Variants in TDRP observed in about 807,000 individuals in gnomAD.
TDRP encodes testis development-related protein.
Under a neutral mutation model 10.5 loss-of-function variants are expected in TDRP, and 12 were observed. The observed-to-expected ratio is 1.15, with a 90% CI of 0.73 to 1.86. The LOEUF (loss-of-function observed/expected upper bound fraction) is 1.86. TDRP is among the 40% of genes most tolerant of loss of function. The pLI is 0.00. For missense variants in TDRP, 353 were observed against 229.2 expected, an observed-to-expected ratio of 1.54 and a Z score of -3.49; for synonymous variants, 139 against 95.4, an observed-to-expected ratio of 1.46 and a Z score of -2.67.
intron 1 of TDRP, among the ~76,000 whole-genome samples, chr8:524,721 T>C (rs1441946865): frequency 1.3e-5 from 2 of 152,074 alleles, no homozygotes; most frequent in African/African-American, 2.4e-5. Flanking sequence ...AAGAAAGAAT[T>C]AGTGATCTTG....
At position 492,450 on chromosome 8, in the gene TDRP, G is replaced by A; in HGVS notation, c.507C>T (p.Ile169=). ...SLRAAGRLVS[I]RRQSKGHLTD... is the part of the protein sequence containing the mutation. ...TCAGGTGGCCTTTACTCTGCCGTCG[G>A]ATGCTCACCAGCCTCCCTGCCGCGC... Residue 169 remains isoleucine (I), a synonymous_variant, in exon 3 of 3, where the codon ATC becomes ATT. Transcript: ENST00000324079. The A allele has an allele frequency of 2.5e-6, 4 of 1,596,530 alleles. No individual in the cohort carries two copies. The highest frequency in any genetic ancestry group is 3.4e-6 in the Non-Finnish European group (4 of 1,167,662).
intron 1 of TDRP, among the ~76,000 whole-genome samples, chr8:528,822 T>C (rs1313294001): frequency 6.6e-6 from 1 of 150,888 alleles, no homozygotes; most frequent in African/African-American, 2.4e-5. Context: ...TGTGTGTATA[T>C]GTGTGTATAT....
chr8:505,158 C>A (rs995513756), intron 1 of TDRP, among the ~76,000 whole-genome samples: 1 of 152,196 alleles, frequency 6.6e-6, no homozygotes, highest in Non-Finnish European at 1.5e-5. Context: ...ATTCTCAACA[C>A]TGCCTACCTG....
chr8:515,289 T>A (rs546351258), intron 1 of TDRP, among the ~76,000 whole-genome samples: 2 of 152,288 alleles, frequency 1.3e-5, no homozygotes, highest in South Asian at 4.1e-4. Context: ...CAGAAAAAAA[T>A]GTAAAATTAG....
intron 1 of TDRP, among the ~76,000 whole-genome samples, chr8:506,597 G>A (rs1204876271): frequency 6.6e-6 from 1 of 152,198 alleles, no homozygotes; most frequent in Non-Finnish European, 1.5e-5. Context: ...GGGCTCGAGA[G>A]GTGACGGTTC....
At chr8:512,714 C>T (rs1036013326) in intron 1 of TDRP, among the ~76,000 whole-genome samples, 2 of 152,124 alleles carry the variant, frequency 1.3e-5, no homozygotes, top group Admixed American at 6.5e-5. Flanking sequence ...TGGTCTCATG[C>T]CTGTAATCTC....
chr8:525,888 T>A (rs996140447), intron 1 of TDRP, among the ~76,000 whole-genome samples: 1 of 152,280 alleles, frequency 6.6e-6, no homozygotes, highest in African/African-American at 2.4e-5. Flanking sequence ...TATTAGTATT[T>A]CTTTAAATGT....
chr8:518,084 C>A (rs752508546), intron 1 of TDRP, among the ~76,000 whole-genome samples: 3 of 152,162 alleles, frequency 2.0e-5, no homozygotes, highest in Non-Finnish European at 4.4e-5. Flanking sequence ...ACAGACAACA[C>A]CCAGCGTAAA....
intron 1 of TDRP, among the ~76,000 whole-genome samples, chr8:499,745 G>A (rs1051184591): frequency 6.6e-6 from 1 of 152,204 alleles, no homozygotes; most frequent in South Asian, 2.1e-4. Flanking sequence ...TTCCCTCTGA[G>A]CATCCCCCGG....
At chr8:540,498 A>T (rs900618110) in intron 1 of TDRP, among the ~76,000 whole-genome samples, 4 of 152,212 alleles carry the variant, frequency 2.6e-5, no homozygotes, top group African/African-American at 9.7e-5. Context: ...ATCTCAACAA[A>T]TATTTTACCA....
chr8:513,991 G>C (rs1203789254), intron 1 of TDRP, among the ~76,000 whole-genome samples: 1 of 152,126 alleles, frequency 6.6e-6, no homozygotes, highest in African/African-American at 2.4e-5. Flanking sequence ...TGAATCAGAA[G>C]ACATAACATT....
intron 1 of TDRP, among the ~76,000 whole-genome samples, chr8:539,716 A>C (rs899169427): frequency 3.9e-5 from 6 of 152,228 alleles, no homozygotes; most frequent in Non-Finnish European, 4.4e-5. Flanking sequence ...CTCCAGCAGA[A>C]CATCAGGCCT....
intron 1 of TDRP, among the ~76,000 whole-genome samples, chr8:528,807 ATG>A (rs753297362): frequency 2.6e-5 from 4 of 151,966 alleles, no homozygotes; most frequent in South Asian, 2.1e-4. Context: ...ATATATAACT[ATG>A]TGTGTGTGTA....
intron 1 of TDRP, among the ~76,000 whole-genome samples, chr8:503,300 C>G (rs1801357660): frequency 6.8e-6 from 1 of 147,502 alleles, no homozygotes; most frequent in Non-Finnish European, 1.5e-5. Context: ...CAGCACACGC[C>G]AACATGGAAT....
At chr8:522,283 A>G (rs1801925856) in intron 1 of TDRP, among the ~76,000 whole-genome samples, 1 of 152,198 alleles carries the variant, frequency 6.6e-6, no homozygotes. Flanking sequence ...CTTTGTCATT[A>G]TGGAACAGGA....
Position 491,388 on chromosome 8 carries a change from T to C in TDRP, c.*1011A>G, listed in dbSNP as rs1281005755. The C allele has an allele frequency of 2.5e-6, 1 of 394,520 alleles. No homozygotes were observed. Among genetic ancestry groups the C allele is most frequent in the Non-Finnish European group, 4.4e-6 (1 of 225,364 alleles). The allele number at this position is 394,520 out of a possible 1,614,324, so 24.4% of individuals were successfully genotyped here. The stretch of plus-strand genomic sequence containing the variant: ...CCAGGGACGCATAACTGGCACCTGA[T>C]ACTGTGCAGGATCACATTGTCAAGG... On this transcript the variant is annotated 3_prime_UTR_variant, in exon 3 of 3. Coordinates refer to ENST00000324079, the MANE Select transcript of TDRP (RefSeq NM_001384899.1).
intron 1 of TDRP, among the ~76,000 whole-genome samples, chr8:531,483 G>C (rs1045305217): frequency 1.3e-5 from 2 of 152,110 alleles, no homozygotes; most frequent in African/African-American, 4.8e-5. Flanking sequence ...TTCTGGGAAG[G>C]GAATGTCAGA....
intron 1 of TDRP, among the ~76,000 whole-genome samples, chr8:515,891 T>G (rs1372441409): frequency 6.6e-6 from 1 of 151,936 alleles, no homozygotes; most frequent in Non-Finnish European, 1.5e-5. Context: ...CGATTAGACC[T>G]AACAAAAAAT....
intron 1 of TDRP, among the ~76,000 whole-genome samples, chr8:503,612 C>T (rs530951106): frequency 3.5e-5 from 5 of 144,926 alleles, no homozygotes; most frequent in East Asian, 2.1e-4. Flanking sequence ...CACCTCAGCA[C>T]GCACCCAACA....
Sources: allele counts gnomAD v4.1 joint callset (sites outside exome capture counted in the v4.1 genomes callset), GRCh38; gene constraint gnomAD v4.1.1; transcripts MANE v1.5; gene names NCBI Gene and HGNC (gene_info 2026-07-23, HGNC 2026-07-21).